The following ARRB2 variants were observed in gnomAD, a reference collection of about 807,000 sequenced individuals.
ARRB2 encodes arrestin beta 2.
ARRB2 carries 21 observed loss-of-function variants against 53.4 expected under a neutral mutation model. That is an observed-to-expected ratio of 0.39 (90% confidence interval 0.28 to 0.57). ARRB2 has a LOEUF of 0.57. ARRB2 is among the 20% of genes least tolerant of loss of function. ARRB2 has a pLI of 0.55. For missense variants in ARRB2, 369 were observed against 527.5 expected, an observed-to-expected ratio of 0.70 and a Z score of 2.94; for synonymous variants, 180 against 212.9, an observed-to-expected ratio of 0.85 and a Z score of 1.34.
Position 4,719,434 on chromosome 17 carries a change from T to TGGGGCGGGTCCCC in ARRB2, c.917+15_917+27dup. On this transcript the variant is annotated intron_variant, in intron 11 of 14. Transcript: ENST00000269260. The stretch of plus-strand genomic sequence containing the variant: ...TTCCAGCACCATGTGAGGGTGGGGC[T>TGGGGCGGGTCCCC]GGGGCGGGTCCCCTGCAGGCCAGGG... The TGGGGCGGGTCCCC allele has an allele frequency of 6.2e-7, 1 of 1,612,480 alleles. No individual in the cohort carries two copies. Among genetic ancestry groups the TGGGGCGGGTCCCC allele is most frequent in the African/African-American group, 1.3e-5 (1 of 75,002 alleles).
intron 1 of ARRB2, among the ~76,000 whole-genome samples, 174 bp downstream of exon 1, chr17:4,710,918 A>G (rs1358333283): frequency 6.6e-6 from 1 of 150,662 alleles, no homozygotes; most frequent in Non-Finnish European, 1.5e-5. Context: ...GGTGGGGGGG[A>G]AATGCCCGGG....
rs1161125672 is a variant in ARRB2 at position 4,721,422 on chromosome 17, AAG to A, written c.*386_*387del. Reference sequence around the variant, plus strand: ...TCACTCTCTCTGCCCCCATTCCTTCAAGAGGAGACCCTTTGGGGACAAGGCCG... The same window carrying A: ...TCACTCTCTCTGCCCCCATTCCTTCAAGGAGACCCTTTGGGGACAAGGCCG... On this transcript the variant is annotated 3_prime_UTR_variant, in exon 15 of 15. Transcript: ENST00000269260. This position sits in a 1 kb window ranked among gnomAD's most constrained non-coding sequence, Gnocchi z 4.2. The A allele has an allele frequency of 7.3e-6, 3 of 412,618 alleles. No individual in the cohort carries two copies. The highest frequency in any genetic ancestry group is 6.1e-5 in the African/African-American group (3 of 48,870). 25.6% of individuals were successfully genotyped at this position (412,618 alleles called of 1,614,324 possible). A position where few individuals can be genotyped will look rare whatever the true frequency, so the allele number is the denominator to read the frequency against.
In ARRB2 at chr17:4,717,040, G is replaced by T; in HGVS notation, c.358-177G>T. On this transcript the variant is annotated intron_variant, in intron 5 of 14. Transcript: ENST00000269260. The surrounding 1 kb of genome is among the most constrained non-coding windows in gnomAD (Gnocchi z 6.0). Reference sequence around the variant, plus strand: ...GTAGTGATGGGGTTTTGCCACGTTGGTCAGGCTGGTCTGGAACCCCTGACC... The same window carrying T: ...GTAGTGATGGGGTTTTGCCACGTTGTTCAGGCTGGTCTGGAACCCCTGACC... The T allele has an allele frequency of 1.4e-6, 1 of 701,868 alleles. No individual in the cohort carries two copies. Among genetic ancestry groups the T allele is most frequent in the Non-Finnish European group, 2.5e-6 (1 of 407,240 alleles). 43.5% of individuals were successfully genotyped at this position (701,868 alleles called of 1,614,324 possible).
chr17:4,717,622 A>C lies in ARRB2; in HGVS notation c.418-63A>C. Reference sequence around the variant, plus strand: ...GCCCGAGAGGAGGGAAGGGGGAGGAAGAAAGGGCAGTGATGGTGGCGGGAG... The same window carrying C: ...GCCCGAGAGGAGGGAAGGGGGAGGACGAAAGGGCAGTGATGGTGGCGGGAG... On this transcript the variant is annotated intron_variant, in intron 6 of 14. Coordinates refer to ENST00000269260, the MANE Select transcript of ARRB2 (RefSeq NM_004313.4). The surrounding 1 kb of genome is among the most constrained non-coding windows in gnomAD (Gnocchi z 6.0). 6.2e-7 allele frequency: 1 copy of C among 1,601,450 alleles called. No individual in the cohort carries two copies. The highest frequency in any genetic ancestry group is 8.6e-7 in the Non-Finnish European group (1 of 1,169,424).
intron 1 of ARRB2, among the ~76,000 whole-genome samples, chr17:4,713,891 G>A (rs959434989): frequency 4.0e-5 from 6 of 151,804 alleles, no homozygotes; most frequent in African/African-American, 1.5e-4. Flanking sequence ...TTAAACCTGG[G>A]AGGCGGAGGT....
chr17:4,714,867 AG>A (rs1233257967), intron 1 of ARRB2, 145 bp from the exon 2 acceptor site: 4 of 663,308 alleles, frequency 6.0e-6, no homozygotes, highest in Non-Finnish European at 9.5e-6. Context: ...AGAAGGGGAA[AG>A]GGGCAGAGCT....
Position 4,717,620 on chromosome 17 carries a change from G to T in ARRB2, c.418-65G>T. ...CTGCCCGAGAGGAGGGAAGGGGGAG[G>T]AAGAAAGGGCAGTGATGGTGGCGGG... On this transcript the variant is annotated intron_variant, in intron 6 of 14. Transcript: ENST00000269260. This position sits in a 1 kb window ranked among gnomAD's most constrained non-coding sequence, Gnocchi z 6.0. 6.2e-7 allele frequency: 1 copy of T among 1,601,376 alleles called. No individual in the cohort carries two copies. The highest frequency in any genetic ancestry group is 8.6e-7 in the Non-Finnish European group (1 of 1,169,460).
chr17:4,720,142 C>T, intron 11 of ARRB2, 74 bp from the exon 12 acceptor site: 3 of 1,473,736 alleles, frequency 2.0e-6, no homozygotes, highest in Non-Finnish European at 2.8e-6. Flanking sequence ...GCCCAGAGTC[C>T]CCGTGGGAAC....
rs1915351894 is a variant in ARRB2 at position 4,718,745 on chromosome 17, T to A, written c.779+61T>A. Reference sequence around the variant, plus strand: ...GGAGAAGAGCAGGATCAGGAGAATGTGAGGTGGAGGAAGAATTCTTCCTGA... The same window carrying A: ...GGAGAAGAGCAGGATCAGGAGAATGAGAGGTGGAGGAAGAATTCTTCCTGA... On this transcript the variant is annotated intron_variant, in intron 10 of 14. Transcript: ENST00000269260. The A allele has an allele frequency of 3.4e-6, 5 of 1,491,028 alleles. No individual in the cohort carries two copies. The East Asian group carries it at 1.2e-4, about 34-fold the overall frequency. The allele number at this position is 1,491,028 out of a possible 1,614,324, so 92.4% of individuals were successfully genotyped here.
intron 5 of ARRB2, 37 bp downstream of exon 5, chr17:4,716,645 G>A (rs1209733374): frequency 6.5e-7 from 1 of 1,545,664 alleles, no homozygotes; most frequent in Non-Finnish European, 8.7e-7. Context: ...CCAGGGGGCT[G>A]GGGCTGGGAC....
rs769165555 is a variant in ARRB2, at chr17:4,720,389, C to G, written c.1002-4C>G. ...CTCTTCACGATGCCTCTCCCCTTCC[C>G]CAGGGATGTCTCTGTGGAGCTGCCT... On this transcript the variant is annotated splice_region_variant and splice_polypyrimidine_tract_variant and intron_variant, in intron 12 of 14. Transcript: ENST00000269260. The G allele has an allele frequency of 2.5e-6, 4 of 1,613,852 alleles. No homozygotes were observed. The highest frequency in any genetic ancestry group is 3.4e-6 in the Non-Finnish European group (4 of 1,179,904).
chr17:4,717,331 C>A lies in ARRB2; in HGVS notation c.417+55C>A. ...AGGGCAGGACATGGGCCAGCAGGAG[C>A]CTGGAGGCACAGCTGAGCCAGAGGG... On this transcript the variant is annotated intron_variant, in intron 6 of 14. Transcript: ENST00000269260. This position sits in a 1 kb window ranked among gnomAD's most constrained non-coding sequence, Gnocchi z 6.0. 11 of 1,591,294 alleles carry A rather than the reference C, an allele frequency of 6.9e-6. No homozygotes were observed. The highest frequency in any genetic ancestry group is 9.5e-6 in the Non-Finnish European group (11 of 1,159,484).
At position 4,719,344 on chromosome 17, in the gene ARRB2, G is replaced by A. The variant is rs1475086326; in HGVS notation, c.841G>A (p.Asp281Asn). Residue 281 changes from aspartate (D) to asparagine (N), a missense_variant, in exon 11 of 15, where the codon GAC (aspartate) becomes AAC (asparagine). By Grantham distance (23) the Asp-to-Asn change is conservative (BLOSUM62 1). Transcript: ENST00000269260. ...GTACACCATAACCCCACTGCTCAGC[G>A]ACAACCGGGAGAAGCGGGGTCTCGC... Reference protein sequence around the residue: ...KVYTITPLLSDNREKRGLALD... With the variant: ...KVYTITPLLSNNREKRGLALD... 1.9e-6 allele frequency: 3 copies of A among 1,614,020 alleles called. No homozygotes were observed. The highest frequency in any genetic ancestry group is 2.7e-5 in the African/African-American group (2 of 74,920).
chr17:4,712,733 A>C (rs1409259827), intron 1 of ARRB2, among the ~76,000 whole-genome samples: 1 of 152,238 alleles, frequency 6.6e-6, no homozygotes, highest in African/African-American at 2.4e-5. Flanking sequence ...TCCAGGCTTA[A>C]ATTGTTTCAG....
rs1915587739 is a variant in ARRB2, at chr17:4,720,492, C to A, written c.1081+20C>A. 6.2e-7 allele frequency: 1 copy of A among 1,604,232 alleles called. No individual in the cohort carries two copies. The highest frequency in any genetic ancestry group is 8.5e-7 in the Non-Finnish European group (1 of 1,173,550). The stretch of plus-strand genomic sequence containing the variant: ...AGTCAGGTGAGCACACTACCCACCC[C>A]AAGCCCTCAGAGGGAGGGCCTGAAG... On this transcript the variant is annotated intron_variant, in intron 13 of 14. Coordinates refer to ENST00000269260, the MANE Select transcript of ARRB2 (RefSeq NM_004313.4).
In ARRB2 at chr17:4,715,075, C is replaced by A. The variant is rs762142904; in HGVS notation, c.54+32C>A. 14 of 1,598,746 alleles carry A rather than the reference C, an allele frequency of 8.8e-6. No individual in the cohort carries two copies. The East Asian group carries it at 2.9e-4, about 33-fold the overall frequency. On this transcript the variant is annotated intron_variant, in intron 2 of 14. Coordinates refer to ENST00000269260, the MANE Select transcript of ARRB2 (RefSeq NM_004313.4). ...CTCCACAGCACTTACCCTTTTGACC[C>A]TCCCTGGGCCCCAACAAAGCCCAGC... is the stretch of plus-strand genomic sequence containing the variant.
chr17:4,716,988 C>T (rs188088263), intron 5 of ARRB2: 1 of 594,718 alleles, frequency 1.7e-6, no homozygotes, highest in Admixed American at 2.9e-5. Context: ...GCACGCACCA[C>T]CACACACGAC....
At chr17:4,718,933 C>T (rs538650999) in intron 10 of ARRB2, among the ~76,000 whole-genome samples, 2 of 151,768 alleles carry the variant, frequency 1.3e-5, no homozygotes, top group Non-Finnish European at 2.9e-5. Flanking sequence ...AGGCATGCAC[C>T]ACCATACCCG....
chr17:4,719,256 A>G (rs28365160), intron 10 of ARRB2, 27 bp from the exon 11 acceptor site: 333,625 of 1,601,538 alleles, frequency 0.21, 37,937 homozygotes, highest in Non-Finnish European at 0.24. Flanking sequence ...GCCCCTAAGC[A>G]TCTTGTTCTC....
Sources: gnomAD v4.1 joint callset for allele counts (sites outside exome capture counted in the v4.1 genomes callset) on GRCh38, gnomAD v4.1.1 for gene constraint, Gnocchi (gnomAD v3.1) non-coding constraint, MANE v1.5 for transcripts, NCBI Gene and HGNC (gene_info 2026-07-23, HGNC 2026-07-21) for gene names.